The following KCNQ1OT1 variants were observed in gnomAD, a reference collection of about 807,000 sequenced individuals.
KCNQ1OT1 encodes KCNQ1 antisense RNA 2 (non-protein coding).
exon 1 of KCNQ1OT1, chr11:2,666,724 C>T (rs1336319248): frequency 1.5e-5 from 6 of 398,674 alleles, no homozygotes; most frequent in Non-Finnish European, 2.7e-5. Flanking sequence ...TGACCTACTC[C>T]CACAGACCCC....
At chr11:2,636,396 G>A (rs1469428893) in exon 1 of KCNQ1OT1, 3 of 151,944 alleles carry the variant, frequency 2.0e-5, no homozygotes, top group Admixed American at 6.6e-5. Flanking sequence ...TAGCATGAAG[G>A]GCTGTTGAAT....
At position 2,617,712 on chromosome 11, in the gene KCNQ1OT1, A is replaced by T. The variant is rs1037146492; in HGVS notation, n.82283T>A. The stretch of plus-strand genomic sequence containing the variant: ...CAAGAGTTCCCTAACCCTAGCCAAC[A>T]CTTAATAGCTATTCTCATGAGTGTG... On this transcript the variant is annotated non_coding_transcript_exon_variant, in exon 1 of 1. Coordinates refer to ENST00000597346, the Ensembl canonical transcript of KCNQ1OT1. This position sits in a 1 kb window ranked among gnomAD's most constrained non-coding sequence, Gnocchi z 4.6. The T allele has an allele frequency of 5.0e-6, 2 of 398,256 alleles. No homozygotes were observed. Among genetic ancestry groups the T allele is most frequent in the Admixed American group, 8.8e-5 (2 of 22,696 alleles). The allele number at this position is 398,256 out of a possible 1,614,324, so 24.7% of individuals were successfully genotyped here. A position where few individuals can be genotyped will look rare whatever the true frequency, so the allele number is the denominator to read the frequency against.
At chr11:2,667,988 T>G (rs1169394652) in exon 1 of KCNQ1OT1, 1 of 398,554 alleles carries the variant, frequency 2.5e-6, no homozygotes, top group Non-Finnish European at 4.4e-6. Context: ...TTCCTGTCAC[T>G]GACCTTGAGA....
At position 2,627,302 on chromosome 11, in the gene KCNQ1OT1, G is replaced by A. The variant is rs1297849649; in HGVS notation, n.72693C>T. ...AACATATACCTTACATAGTTGCCAT[G>A]TGTGTGCGTGTGTGTGGTCAGAATA... On this transcript the variant is annotated non_coding_transcript_exon_variant, in exon 1 of 1. Transcript: ENST00000597346. This position sits in a 1 kb window ranked among gnomAD's most constrained non-coding sequence, Gnocchi z 4.9. 2.5e-6 allele frequency: 1 copy of A among 398,386 alleles called. No individual in the cohort carries two copies. The highest frequency in any genetic ancestry group is 3.6e-5 in the East Asian group (1 of 28,074). The allele number at this position is 398,386 out of a possible 1,614,324, so 24.7% of individuals were successfully genotyped here.
rs1850575826 is a variant in KCNQ1OT1 at position 2,690,816 on chromosome 11, G to A, written n.9179C>T. The stretch of plus-strand genomic sequence containing the variant: ...GAGGTCCCTGTCTCCTTGGCTTCCA[G>A]CTTCCAGGCTCTGGCACTCCCACTG... On this transcript the variant is annotated non_coding_transcript_exon_variant, in exon 1 of 1. Transcript: ENST00000597346. This position sits in a 1 kb window ranked among gnomAD's most constrained non-coding sequence, Gnocchi z 5.1. 2.5e-6 allele frequency: 1 copy of A among 398,632 alleles called. No individual in the cohort carries two copies. Among genetic ancestry groups the A allele is most frequent in the Non-Finnish European group, 4.4e-6 (1 of 226,100 alleles). 24.7% of individuals were successfully genotyped at this position (398,632 alleles called of 1,614,324 possible).
At chr11:2,688,795 CCA>C in exon 1 of KCNQ1OT1, 1 of 398,778 alleles carries the variant, frequency 2.5e-6, no homozygotes, top group Non-Finnish European at 4.4e-6. Context: ...TTGCCCTCCC[CCA>C]CACACAGCCC....
In KCNQ1OT1 at chr11:2,651,929, T is replaced by C. The variant is rs971811085; in HGVS notation, n.48066A>G. 5 of 398,584 alleles carry C rather than the reference T, an allele frequency of 1.3e-5. No individual in the cohort carries two copies. Among genetic ancestry groups the C allele is most frequent in the African/African-American group, 4.1e-5 (2 of 48,628 alleles). The allele number at this position is 398,584 out of a possible 1,614,324, so 24.7% of individuals were successfully genotyped here. On this transcript the variant is annotated non_coding_transcript_exon_variant, in exon 1 of 1. Coordinates refer to ENST00000597346, the Ensembl canonical transcript of KCNQ1OT1. This position sits in a 1 kb window ranked among gnomAD's most constrained non-coding sequence, Gnocchi z 6.1. ...CTGGGGCCGCTTGCTCTCCTCCTAC[T>C]CACAGCCCTCCTGCAGCCAGCAGCA...
In KCNQ1OT1 at chr11:2,613,924, CT is replaced by C. The variant is rs1339789830; in HGVS notation, n.86070del. ...AAAAAAGTACTATTCTGTATATGCC[CT>C]TTTGAACTTTGCTTTTCTCACCTAA... On this transcript the variant is annotated non_coding_transcript_exon_variant, in exon 1 of 1. Coordinates refer to ENST00000597346, the Ensembl canonical transcript of KCNQ1OT1. This position sits in a 1 kb window ranked among gnomAD's most constrained non-coding sequence, Gnocchi z 4.8. The C allele has an allele frequency of 5.0e-6, 2 of 398,434 alleles. No individual in the cohort carries two copies. The highest frequency in any genetic ancestry group is 8.8e-6 in the Non-Finnish European group (2 of 226,044). The allele number at this position is 398,434 out of a possible 1,614,324, so 24.7% of individuals were successfully genotyped here.
rs1348958351 is a variant in KCNQ1OT1, at chr11:2,652,615, T to G, written n.47380A>C. On this transcript the variant is annotated non_coding_transcript_exon_variant, in exon 1 of 1. Transcript: ENST00000597346. This position sits in a 1 kb window ranked among gnomAD's most constrained non-coding sequence, Gnocchi z 5.9. ...TGCCTGGAACCTTCCCCTGAAAATG[T>G]GTCTTGGGAGACCTAGACAGTGACT... 5.0e-6 allele frequency: 2 copies of G among 398,484 alleles called. No homozygotes were observed. Among genetic ancestry groups the G allele is most frequent in the East Asian group, 7.1e-5 (2 of 28,068 alleles). 24.7% of individuals were successfully genotyped at this position (398,484 alleles called of 1,614,324 possible). A position where few individuals can be genotyped will look rare whatever the true frequency, so the allele number is the denominator to read the frequency against.
chr11:2,651,887 C>T lies in KCNQ1OT1; in HGVS notation n.48108G>A, dbSNP rs1427916597. On this transcript the variant is annotated non_coding_transcript_exon_variant, in exon 1 of 1. Coordinates refer to ENST00000597346, the Ensembl canonical transcript of KCNQ1OT1. The surrounding 1 kb of genome is among the most constrained non-coding windows in gnomAD (Gnocchi z 6.1). The stretch of plus-strand genomic sequence containing the variant: ...GAAGTAGTGTTCAGGCTGAGGGGGT[C>T]ATAGCCGAGGGTCCCTCTGGGGCCG... The T allele has an allele frequency of 2.5e-6, 1 of 398,604 alleles. No homozygotes were observed. The highest frequency in any genetic ancestry group is 3.6e-5 in the East Asian group (1 of 28,088). 24.7% of individuals were successfully genotyped at this position (398,604 alleles called of 1,614,324 possible). A position where few individuals can be genotyped will look rare whatever the true frequency, so the allele number is the denominator to read the frequency against.
chr11:2,646,217 C>T (rs934282940), exon 1 of KCNQ1OT1: 5 of 398,478 alleles, frequency 1.3e-5, no homozygotes, highest in African/African-American at 2.1e-5. Context: ...AGGTGAGTGC[C>T]AGATGCCTCT....
chr11:2,631,078 A>G (rs1849345075), exon 1 of KCNQ1OT1: 1 of 398,418 alleles, frequency 2.5e-6, no homozygotes, highest in Admixed American at 4.4e-5. Flanking sequence ...ATGGAAACTA[A>G]TTGTAATTCT....
rs957875058 is a variant in KCNQ1OT1, at chr11:2,654,199, G to T, written n.45796C>A. ...GGCTGTGGGGCTGCGGCTCAGCAAT[G>T]TCACGCAGGGCCTGGCTGCAGCTGT... On this transcript the variant is annotated non_coding_transcript_exon_variant, in exon 1 of 1. Coordinates refer to ENST00000597346, the Ensembl canonical transcript of KCNQ1OT1. The surrounding 1 kb of genome is among the most constrained non-coding windows in gnomAD (Gnocchi z 6.4). The T allele has an allele frequency of 2.5e-6, 1 of 398,682 alleles. No individual in the cohort carries two copies. The highest frequency in any genetic ancestry group is 4.4e-6 in the Non-Finnish European group (1 of 226,260). The allele number at this position is 398,682 out of a possible 1,614,324, so 24.7% of individuals were successfully genotyped here.
exon 1 of KCNQ1OT1, chr11:2,629,778 C>A (rs1257123945): frequency 5.0e-6 from 2 of 398,258 alleles, no homozygotes; most frequent in Non-Finnish European, 8.9e-6. Flanking sequence ...GATTTTGTAT[C>A]CTGCCACTTT....
At chr11:2,688,148 C>A (rs747252873) in exon 1 of KCNQ1OT1, 3 of 398,668 alleles carry the variant, frequency 7.5e-6, no homozygotes, top group African/African-American at 6.2e-5. Context: ...AGAGACCCCA[C>A]GCAGCTCCCT....
rs1002113292 is a variant in KCNQ1OT1 at position 2,661,937 on chromosome 11, G to A, written n.38058C>T. The A allele has an allele frequency of 1.9e-6, 3 of 1,614,092 alleles. No homozygotes were observed. The highest frequency in any genetic ancestry group is 2.5e-6 in the Non-Finnish European group (3 of 1,180,034). ...GCAGGTTGGGTGGGAGGCCTAACGTGCTGTCCCCACACTTTCTCCTCAGTA... is the reference window on the plus strand; with the variant it reads ...GCAGGTTGGGTGGGAGGCCTAACGTACTGTCCCCACACTTTCTCCTCAGTA... On this transcript the variant is annotated non_coding_transcript_exon_variant, in exon 1 of 1. Transcript: ENST00000597346. This position sits in a 1 kb window ranked among gnomAD's most constrained non-coding sequence, Gnocchi z 5.9.
In KCNQ1OT1 at chr11:2,645,716, A is replaced by C; in HGVS notation, n.54279T>G. 1 of 398,802 alleles carries C rather than the reference A, an allele frequency of 2.5e-6. No homozygotes were observed. The highest frequency in any genetic ancestry group is 4.4e-5 in the Admixed American group (1 of 22,728). The allele number at this position is 398,802 out of a possible 1,614,324, so 24.7% of individuals were successfully genotyped here. ...GAGGGAGCAGTCAGGAGTGGCAACC[A>C]GCTTTGTGTAAGGGATGTCCATGGG... On this transcript the variant is annotated non_coding_transcript_exon_variant, in exon 1 of 1. Transcript: ENST00000597346. This position sits in a 1 kb window ranked among gnomAD's most constrained non-coding sequence, Gnocchi z 5.8.
At position 2,617,220 on chromosome 11, in the gene KCNQ1OT1, T is replaced by C; in HGVS notation, n.82775A>G. The C allele has an allele frequency of 2.5e-6, 1 of 398,386 alleles. No individual in the cohort carries two copies. The highest frequency in any genetic ancestry group is 4.4e-6 in the Non-Finnish European group (1 of 225,922). 24.7% of individuals were successfully genotyped at this position (398,386 alleles called of 1,614,324 possible). On this transcript the variant is annotated non_coding_transcript_exon_variant, in exon 1 of 1. Transcript: ENST00000597346. This position sits in a 1 kb window ranked among gnomAD's most constrained non-coding sequence, Gnocchi z 4.6. Reference sequence around the variant, plus strand: ...CTTGGTATCCTTTGACCTACATCTTTCCATTTTCTTCCCCCACACCTTGCC... The same window carrying C: ...CTTGGTATCCTTTGACCTACATCTTCCCATTTTCTTCCCCCACACCTTGCC...
chr11:2,641,395 T>C (rs1849574782), exon 1 of KCNQ1OT1: 1 of 367,894 alleles, frequency 2.7e-6, no homozygotes, highest in Admixed American at 4.7e-5. Context: ...GATGTTGGGC[T>C]TTTTTTTTTA....
Sources: allele counts gnomAD v4.1 joint callset, GRCh38; gene constraint gnomAD v4.1.1; non-coding constraint Gnocchi (gnomAD v3.1); transcripts MANE v1.5; gene names NCBI Gene and HGNC (gene_info 2026-07-23, HGNC 2026-07-21).